Variants in SDK1 observed in about 807,000 individuals in gnomAD.
SDK1 encodes the protein sidekick cell adhesion molecule 1.
In SDK1, 157 loss-of-function variants were observed where a neutral mutation model predicts 245.5. That is an observed-to-expected ratio of 0.64 (90% CI 0.56 to 0.73). SDK1 has a LOEUF of 0.73. Among genes scored for constraint, SDK1 ranks in the 30% least tolerant of loss-of-function variants. The pLI is 0.00. For missense variants in SDK1, 3,583 were observed against 3,002.3 expected (o/e 1.19, Z -4.52); for synonymous variants, 1,647 against 1,278.5 (o/e 1.29, Z -6.15).
chr7:4,118,504 T>C (rs1783858634), intron 25 of SDK1, among the ~76,000 whole-genome samples: 1 of 152,174 alleles, frequency 6.6e-6, no homozygotes, highest in South Asian at 2.1e-4. Flanking sequence ...TTCAGAAACG[T>C]TGGAAAACAG....
At chr7:4,183,314 A>G (rs2128220598) in intron 35 of SDK1, among the ~76,000 whole-genome samples, 1 of 152,316 alleles carries the variant, frequency 6.6e-6, no homozygotes, top group South Asian at 2.1e-4. Flanking sequence ...CTCTGGTCAC[A>G]TGCCTCCTGA....
At chr7:3,660,887 T>A (rs568442365) in intron 4 of SDK1, among the ~76,000 whole-genome samples, 35 of 152,244 alleles carry the variant, frequency 2.3e-4, no homozygotes, top group Non-Finnish European at 1.0e-4. Context: ...TGAGGTAAAT[T>A]ATTATATCTG....
In SDK1 at chr7:4,265,976, G is replaced by A. The variant is rs938693785; in HGVS notation, c.*592G>A. On this transcript the variant is annotated 3_prime_UTR_variant, in exon 45 of 45. Coordinates refer to ENST00000404826, the MANE Select transcript of SDK1 (RefSeq NM_152744.4). ...GTCTAGTCAAGGAGTCGGCTTTCAGGTTCCTGACGGCCAGGCAGGGATGCT... is the reference window on the plus strand; with the variant it reads ...GTCTAGTCAAGGAGTCGGCTTTCAGATTCCTGACGGCCAGGCAGGGATGCT... The A allele has an allele frequency of 1.3e-5, 13 of 985,500 alleles. No individual in the cohort carries two copies. In the African/African-American group the frequency reaches 2.1e-4, roughly 16 times the overall value. The allele number at this position is 985,500 out of a possible 1,614,324, so 61.0% of individuals were successfully genotyped here. A position where few individuals can be genotyped will look rare whatever the true frequency, so the allele number is the denominator to read the frequency against.
chr7:4,079,451 G>A lies in SDK1; in HGVS notation c.3203-12G>A. The A allele has an allele frequency of 9.3e-6, 15 of 1,613,786 alleles. No individual in the cohort carries two copies. Among genetic ancestry groups the A allele is most frequent in the Non-Finnish European group, 1.3e-5 (15 of 1,179,802 alleles). The stretch of plus-strand genomic sequence containing the variant: ...TGTAAATCTCTCCCTTTCCTCCCTG[G>A]TTCCTCTCTAGACCTTCCTGGTGCC... On this transcript the variant is annotated splice_polypyrimidine_tract_variant and intron_variant, in intron 21 of 44. Coordinates refer to ENST00000404826, the MANE Select transcript of SDK1 (RefSeq NM_152744.4).
At chr7:3,735,181 C>A (rs1449629173) in intron 4 of SDK1, among the ~76,000 whole-genome samples, 1 of 152,064 alleles carries the variant, frequency 6.6e-6, no homozygotes, top group Non-Finnish European at 1.5e-5. Context: ...GTAGAATGTT[C>A]ATAACATAAA....
intron 17 of SDK1, among the ~76,000 whole-genome samples, chr7:4,017,596 C>T (rs889842605): frequency 5.9e-5 from 9 of 152,232 alleles, no homozygotes; most frequent in Non-Finnish European, 1.2e-4. Context: ...TTTCTGTACA[C>T]GCCTTTTGAC....
intron 17 of SDK1, among the ~76,000 whole-genome samples, chr7:4,023,465 G>T (rs990659694): frequency 6.6e-6 from 1 of 152,060 alleles, no homozygotes; most frequent in Admixed American, 6.5e-5. Context: ...ACTCAGTTCC[G>T]CATATCAAAT....
intron 25 of SDK1, among the ~76,000 whole-genome samples, chr7:4,125,349 A>G (rs1489536656): frequency 1.3e-5 from 2 of 148,970 alleles, no homozygotes; most frequent in African/African-American, 5.0e-5. Flanking sequence ...GAATAGATGG[A>G]TGGATGGATG....
At chr7:4,073,478 T>C (rs1337451528) in intron 20 of SDK1, among the ~76,000 whole-genome samples, 2 of 152,254 alleles carry the variant, frequency 1.3e-5, no homozygotes, top group African/African-American at 4.8e-5. Context: ...TTCCTGAAGA[T>C]GCTGGAATTG....
At chr7:3,688,746 A>G (rs1784358862) in intron 4 of SDK1, among the ~76,000 whole-genome samples, 1 of 152,168 alleles carries the variant, frequency 6.6e-6, no homozygotes, top group African/African-American at 2.4e-5. Flanking sequence ...TAGAGGGAAA[A>G]TACTACAGCG....
intron 41 of SDK1, among the ~76,000 whole-genome samples, chr7:4,236,172 G>C (rs901133512): frequency 6.6e-6 from 1 of 152,206 alleles, no homozygotes; most frequent in African/African-American, 2.4e-5. Context: ...TGTTTGGAAG[G>C]GTTCTGGCTG....
chr7:3,394,122 C>T (rs1321859447), intron 1 of SDK1, among the ~76,000 whole-genome samples: 3 of 151,688 alleles, frequency 2.0e-5, no homozygotes, highest in Non-Finnish European at 4.4e-5. Flanking sequence ...CAGAAGAACT[C>T]TCTGGATTAC....
Position 4,231,585 on chromosome 7 carries a change from AGAAAG to A in SDK1, c.5828-1666_5828-1662del, listed in dbSNP as rs1195177239. Among the ~76,000 whole-genome samples, 4 of 149,718 alleles carry A rather than the reference AGAAAG, an allele frequency of 2.7e-5. No individual in the cohort carries two copies. In the East Asian group the frequency reaches 6.0e-4, roughly 23 times the overall value. On this transcript the variant is annotated intron_variant, in intron 40 of 44. Coordinates refer to ENST00000404826, the MANE Select transcript of SDK1 (RefSeq NM_152744.4). ...GAGGGCCCGGTCTCAAAAAAAAAAA[AGAAAG>A]GAAGAAGAAAGAAAGAGCAAGAGAG... is the stretch of plus-strand genomic sequence containing the variant.
chr7:4,034,950 A>G (rs576019230), intron 17 of SDK1, among the ~76,000 whole-genome samples: 41 of 152,356 alleles, frequency 2.7e-4, no homozygotes, highest in Non-Finnish European at 2.5e-4. Context: ...CTTTGAAAGC[A>G]TGTAAATATA....
intron 14 of SDK1, among the ~76,000 whole-genome samples, chr7:4,002,773 A>G (rs754010910): frequency 2.6e-5 from 4 of 152,222 alleles, no homozygotes; most frequent in Non-Finnish European, 5.9e-5. Context: ...TCTGGTTCTC[A>G]GGGGTGGATC....
chr7:3,995,492 C>G (rs1206893891), intron 14 of SDK1, among the ~76,000 whole-genome samples: 4 of 152,224 alleles, frequency 2.6e-5, no homozygotes, highest in African/African-American at 7.2e-5. Flanking sequence ...ACACCTCCCT[C>G]CTGAGTTGCC....
intron 1 of SDK1, among the ~76,000 whole-genome samples, chr7:3,354,160 G>A (rs1562435418): frequency 2.0e-5 from 3 of 151,666 alleles, no homozygotes; most frequent in Non-Finnish European, 2.9e-5. Context: ...CACCACACCC[G>A]GCTAATTTTT....
intron 2 of SDK1, among the ~76,000 whole-genome samples, chr7:3,621,834 A>T (rs1040406374): frequency 1.3e-5 from 2 of 152,242 alleles, no homozygotes; most frequent in Admixed American, 6.5e-5. Flanking sequence ...GTCTCAAACT[A>T]TTATTTGCAA....
Position 3,301,807 on chromosome 7 carries a change from C to A in SDK1, c.221C>A (p.Ala74Glu), listed in dbSNP as rs1437207370. Residue 74 changes from alanine to glutamate, a missense_variant, in exon 1 of 45, where the codon GCA becomes GAA. Transcript: ENST00000404826. Reference protein sequence around the residue: ...GAGRCGGRRAAKLGPGRRGWW... With the variant: ...GAGRCGGRRAEKLGPGRRGWW... ...GGGCGGTGCGGCGGGCGGCGGGCGG[C>A]AAAGTTGGGGCCGGGCCGCCGCGGC... 1.9e-6 allele frequency: 2 copies of A among 1,063,528 alleles called. No homozygotes were observed. The highest frequency in any genetic ancestry group is 2.3e-6 in the Non-Finnish European group (2 of 882,042). The allele number at this position is 1,063,528 out of a possible 1,614,324, so 65.9% of individuals were successfully genotyped here.
Sources: allele counts gnomAD v4.1 joint callset (sites outside exome capture counted in the v4.1 genomes callset), GRCh38; gene constraint gnomAD v4.1.1; transcripts MANE v1.5; gene names NCBI Gene and HGNC (gene_info 2026-07-23, HGNC 2026-07-21).